PCDHA11: variants seen among roughly 807,000 people sequenced by gnomAD.
The protein encoded by PCDHA11 is protocadherin alpha-11.
Under a neutral mutation model 70.3 loss-of-function variants are expected in PCDHA11, and 61 were observed. The ratio of observed to expected loss-of-function variants is 0.87; its 90% CI spans 0.71 to 1.07. The LOEUF is 1.07. PCDHA11 is among the 50% of genes least tolerant of loss of function. The pLI is 0.00. For missense variants in PCDHA11, 1,324 were observed against 1,237.5 expected (o/e 1.07, Z -1.05); for synonymous variants, 633 against 555.1 (o/e 1.14, Z -1.97).
intron 1 of PCDHA11, among the ~76,000 whole-genome samples, chr5:140,895,700 A>G (rs2065117583): frequency 6.6e-6 from 1 of 152,022 alleles, no homozygotes; most frequent in Non-Finnish European, 1.5e-5. Context: ...ATATTAATTC[A>G]CTTGGGATAA....
At position 140,894,452 on chromosome 5, in the gene PCDHA11, A is replaced by G. The variant is rs555452172; in HGVS notation, c.2391+22958A>G. On this transcript the variant is annotated intron_variant, in intron 1 of 3. Coordinates refer to ENST00000398640, the MANE Select transcript of PCDHA11 (RefSeq NM_018902.5). ...ATCCTACCTAGCTCTTTTTTAAAAA[A>G]TATTTTACTTTTTATTCTTGTTTTC... 3.9e-5 allele frequency among the ~76,000 whole-genome samples: 6 copies of G among 152,050 alleles called. No homozygotes were observed. In the East Asian group the frequency reaches 9.6e-4, roughly 24 times the overall value.
intron 1 of PCDHA11, chr5:140,968,978 G>A: frequency 1.9e-6 from 3 of 1,614,212 alleles, no homozygotes; most frequent in Non-Finnish European, 1.7e-6. Flanking sequence ...CACTGCGTAT[G>A]GCACTGCATG....
intron 1 of PCDHA11, chr5:140,968,856 G>A (rs782749305): frequency 1.2e-6 from 2 of 1,614,184 alleles, no homozygotes; most frequent in South Asian, 1.1e-5. Flanking sequence ...CATGTTAAGA[G>A]CCCTCGGACA....
At chr5:140,991,409 T>C (rs1554252146) in intron 3 of PCDHA11, among the ~76,000 whole-genome samples, 2 of 152,232 alleles carry the variant, frequency 1.3e-5, no homozygotes, top group Non-Finnish European at 1.5e-5. Flanking sequence ...TTTCCCATTA[T>C]GCTATAACAA....
intron 1 of PCDHA11, among the ~76,000 whole-genome samples, chr5:140,937,540 C>T (rs2091570481): frequency 2.0e-5 from 3 of 152,116 alleles, no homozygotes; most frequent in East Asian, 3.9e-4. Flanking sequence ...TTGCTTGAAC[C>T]TGCGAGGCAG....
intron 1 of PCDHA11, among the ~76,000 whole-genome samples, chr5:140,899,650 T>C (rs1174353279): frequency 5.3e-5 from 8 of 152,192 alleles, no homozygotes; most frequent in African/African-American, 1.7e-4. Flanking sequence ...TCTTATTTGG[T>C]TGTGTCTCTG....
In PCDHA11 at chr5:140,922,223, C is replaced by T. The variant is rs115262412; in HGVS notation, c.2391+50729C>T. 8.0e-3 allele frequency among the ~76,000 whole-genome samples: 1,216 copies of T among 152,128 alleles called. 6 individuals are homozygous for T. Among genetic ancestry groups the T allele is most frequent in the African/African-American group, 0.019 (784 of 41,508 alleles). ...ATGAAACTTTGTAAAACATTTGAAC[C>T]TCAACCATGATGTGTATGAAGATAA... On this transcript the variant is annotated intron_variant, in intron 1 of 3. Transcript: ENST00000398640.
At chr5:140,897,028 A>G (rs2065844542) in intron 1 of PCDHA11, among the ~76,000 whole-genome samples, 2 of 152,046 alleles carry the variant, frequency 1.3e-5, no homozygotes, top group Admixed American at 6.6e-5. Context: ...AATTATTTAG[A>G]CCATAGTCAC....
chr5:140,933,314 G>A (rs925777839), intron 1 of PCDHA11, among the ~76,000 whole-genome samples: 2 of 151,914 alleles, frequency 1.3e-5, no homozygotes, highest in Non-Finnish European at 2.9e-5. Flanking sequence ...ATGCAATCTC[G>A]TATTCTCCTG....
intron 1 of PCDHA11, among the ~76,000 whole-genome samples, chr5:140,902,795 A>G (rs555172255): frequency 6.8e-4 from 103 of 151,862 alleles, no homozygotes; most frequent in African/African-American, 2.3e-3. Context: ...TCTCACTTGT[A>G]TGTGAGAATA....
At chr5:141,005,422 A>G (rs1383654342) in intron 3 of PCDHA11, among the ~76,000 whole-genome samples, 3 of 152,132 alleles carry the variant, frequency 2.0e-5, no homozygotes, top group African/African-American at 7.2e-5. Flanking sequence ...AGTCATGCTA[A>G]GAATGGATGA....
intron 1 of PCDHA11, among the ~76,000 whole-genome samples, chr5:140,897,659 G>A: frequency 6.6e-6 from 1 of 152,230 alleles, no homozygotes; most frequent in South Asian, 2.1e-4. Flanking sequence ...ACGTGTGCAT[G>A]TGTCTTTATA....
At chr5:140,936,311 T>C (rs1451314089) in intron 1 of PCDHA11, among the ~76,000 whole-genome samples, 1 of 152,228 alleles carries the variant, frequency 6.6e-6, no homozygotes, top group African/African-American at 2.4e-5. Flanking sequence ...AATAGAACTT[T>C]CTGACATGCT....
chr5:140,998,005 C>T (rs539275150), intron 3 of PCDHA11, among the ~76,000 whole-genome samples: 300 of 152,282 alleles, frequency 2.0e-3, no homozygotes, highest in Non-Finnish European at 3.8e-3. Context: ...TCTGAGCCTT[C>T]CATCCCCACC....
At chr5:140,929,421 A>G (rs2086144210) in intron 1 of PCDHA11, 2 of 1,502,092 alleles carry the variant, frequency 1.3e-6, no homozygotes, top group Non-Finnish European at 1.8e-6. Flanking sequence ...ACAACATTTC[A>G]TCAATTGAAC....
chr5:140,877,054 C>T (rs1226224209), intron 1 of PCDHA11: 3 of 1,612,658 alleles, frequency 1.9e-6, no homozygotes, highest in African/African-American at 2.7e-5. Flanking sequence ...CCACGAGGAG[C>T]TGGAGCTGCT....
intron 1 of PCDHA11, among the ~76,000 whole-genome samples, chr5:140,965,168 T>A (rs1484687706): frequency 6.6e-6 from 1 of 152,180 alleles, no homozygotes; most frequent in Non-Finnish European, 1.5e-5. Context: ...GACGTTTTAG[T>A]GAGTGCTTTT....
Position 140,870,016 on chromosome 5 carries a change from G to A in PCDHA11, c.913G>A (p.Gly305Arg), listed in dbSNP as rs1554163708. ...DQNNGEVRVN[G>R]TLDYEENKFY... is the part of the protein sequence containing the mutation. ...AAATAATGGAGAAGTGAGGGTCAATGGAACTTTAGATTATGAAGAAAACAA... is the reference window on the plus strand; with the variant it reads ...AAATAATGGAGAAGTGAGGGTCAATAGAACTTTAGATTATGAAGAAAACAA... Residue 305 changes from glycine (G) to arginine (R), a missense_variant, in exon 1 of 4, where the codon GGA (glycine) becomes AGA (arginine). Coordinates refer to ENST00000398640, the MANE Select transcript of PCDHA11 (RefSeq NM_018902.5). 1 of 1,613,448 alleles carries A rather than the reference G, an allele frequency of 6.2e-7. No homozygotes were observed. The highest frequency in any genetic ancestry group is 8.5e-7 in the Non-Finnish European group (1 of 1,179,838).
At chr5:140,906,030 T>G (rs1554192342) in intron 1 of PCDHA11, among the ~76,000 whole-genome samples, 1 of 152,196 alleles carries the variant, frequency 6.6e-6, no homozygotes, top group Non-Finnish European at 1.5e-5. Flanking sequence ...CACGTTCTTC[T>G]GTCTGCTTTT....
Sources: gnomAD v4.1 joint callset for allele counts (sites outside exome capture counted in the v4.1 genomes callset) on GRCh38, gnomAD v4.1.1 for gene constraint, MANE v1.5 for transcripts, NCBI Gene and HGNC (gene_info 2026-07-23, HGNC 2026-07-21) for gene names.